The following SENP7 variants were observed in gnomAD, a reference collection of about 807,000 sequenced individuals.
The protein encoded by SENP7 is SUMO specific peptidase 7, also known as sentrin-specific protease 7.
In SENP7, 64 loss-of-function variants were observed where a neutral mutation model predicts 141.2. That is an observed-to-expected ratio of 0.45 (90% CI 0.37 to 0.56). The LOEUF (loss-of-function observed/expected upper bound fraction) is 0.56, where lower values mean the gene tolerates loss of function less well. Among genes scored for constraint, SENP7 ranks in the 20% least tolerant of loss-of-function variants. The probability of loss-of-function intolerance (pLI) is 0.00; values close to 1 mark genes in which losing one functional copy is unlikely to be tolerated. For synonymous variants in SENP7, 382 were observed against 426.4 expected (o/e 0.90, Z 1.28); for missense variants, 1,025 against 1,212.2 (o/e 0.85, Z 2.29).
intron 1 of SENP7, among the ~76,000 whole-genome samples, chr3:101,507,112 G>T (rs868228735): frequency 6.6e-6 from 1 of 151,230 alleles, no homozygotes. Flanking sequence ...GTTTAGACAG[G>T]CAGAAATGGG....
At chr3:101,432,467 G>A (rs1195660627) in intron 4 of SENP7, among the ~76,000 whole-genome samples, 1 of 152,212 alleles carries the variant, frequency 6.6e-6, no homozygotes, top group East Asian at 1.9e-4. Flanking sequence ...AGGGAGTAGT[G>A]ACAGCAGGTC....
In SENP7 at chr3:101,361,954, C is replaced by T. The variant is rs537179725; in HGVS notation, c.1477-93G>A. Reference sequence around the variant, plus strand: ...CACCATCAAATTCTTCTTTAAATTACTATTAGTGAATTTTTGAAGAACTTT... The same window carrying T: ...CACCATCAAATTCTTCTTTAAATTATTATTAGTGAATTTTTGAAGAACTTT... On this transcript the variant is annotated intron_variant, in intron 10 of 23. Transcript: ENST00000394095. The T allele has an allele frequency of 1.4e-4, 182 of 1,342,938 alleles. 1 individual carries two copies. In the South Asian group the frequency reaches 2.8e-3, roughly 21 times the overall value. 83.2% of individuals were successfully genotyped at this position (1,342,938 alleles called of 1,614,324 possible).
At chr3:101,358,354 T>C (rs1576074589) in intron 11 of SENP7, 1 of 615,662 alleles carries the variant, frequency 1.6e-6, no homozygotes, top group Admixed American at 2.3e-5. Context: ...GAGTCAATAA[T>C]GTGGCAAATC....
chr3:101,509,712 C>T (rs2065771752), intron 1 of SENP7, among the ~76,000 whole-genome samples: 1 of 152,154 alleles, frequency 6.6e-6, no homozygotes, highest in African/African-American at 2.4e-5. Context: ...AAGCAAACAT[C>T]ACCTGGACCT....
intron 4 of SENP7, among the ~76,000 whole-genome samples, chr3:101,434,441 T>C (rs1278750740): frequency 6.6e-6 from 1 of 151,420 alleles, no homozygotes; most frequent in Non-Finnish European, 1.5e-5. Context: ...AAAAAACAAA[T>C]GAAATTGAAA....
chr3:101,422,775 T>C (rs920506825), intron 4 of SENP7, among the ~76,000 whole-genome samples: 1 of 152,034 alleles, frequency 6.6e-6, no homozygotes, highest in Admixed American at 6.5e-5. Flanking sequence ...ATTTTACATA[T>C]GAGAAATTTT....
intron 22 of SENP7, 105 bp downstream of exon 22, chr3:101,328,373 T>C: frequency 1.4e-6 from 1 of 713,492 alleles, no homozygotes; most frequent in South Asian, 2.0e-5. Flanking sequence ...AAATAGATAA[T>C]AAAATATAAT....
chr3:101,363,611 T>G (rs893084760), intron 10 of SENP7, among the ~76,000 whole-genome samples: 1 of 152,210 alleles, frequency 6.6e-6, no homozygotes, highest in Non-Finnish European at 1.5e-5. Flanking sequence ...TAATGACACT[T>G]TTAATTATAT....
At chr3:101,452,014 G>T (rs1434062976) in intron 4 of SENP7, among the ~76,000 whole-genome samples, 1 of 152,208 alleles carries the variant, frequency 6.6e-6, no homozygotes, top group East Asian at 1.9e-4. Flanking sequence ...CTTCAGCAAA[G>T]TCTCAGGATA....
At chr3:101,411,068 C>T (rs1267555899) in intron 5 of SENP7, among the ~76,000 whole-genome samples, 4 of 151,930 alleles carry the variant, frequency 2.6e-5, no homozygotes, top group Admixed American at 1.3e-4. Context: ...AACTATAAAT[C>T]CTTGGGCAAG....
intron 11 of SENP7, chr3:101,357,356 T>C: frequency 1.5e-6 from 1 of 686,388 alleles, no homozygotes; most frequent in Non-Finnish European, 2.7e-6. Flanking sequence ...GTTAGAGAAC[T>C]ACAGAAACCT....
intron 4 of SENP7, among the ~76,000 whole-genome samples, chr3:101,440,840 G>A (rs937683120): frequency 6.6e-6 from 1 of 152,066 alleles, no homozygotes; most frequent in African/African-American, 2.4e-5. Flanking sequence ...CAGGAATGCA[G>A]TTACTTTAAT....
chr3:101,341,899 C>T (rs2059336612), intron 14 of SENP7, 120 bp from the exon 15 acceptor site: 6 of 1,009,502 alleles, frequency 5.9e-6, no homozygotes, highest in African/African-American at 4.8e-5. Context: ...TATATCTATA[C>T]TTTTAGATTT....
intron 12 of SENP7, among the ~76,000 whole-genome samples, chr3:101,350,319 T>G (rs554350876): frequency 6.6e-5 from 10 of 152,270 alleles, no homozygotes; most frequent in African/African-American, 2.4e-4. Context: ...CAGCCAAACA[T>G]AATTAATACC....
intron 3 of SENP7, among the ~76,000 whole-genome samples, chr3:101,468,630 A>G (rs1309398060): frequency 1.3e-5 from 2 of 152,220 alleles, no homozygotes; most frequent in Non-Finnish European, 2.9e-5. Flanking sequence ...TGAAGGAGAC[A>G]TAAAATCCTT....
At chr3:101,431,670 G>A (rs1239381973) in intron 4 of SENP7, among the ~76,000 whole-genome samples, 1 of 151,896 alleles carries the variant, frequency 6.6e-6, no homozygotes, top group Non-Finnish European at 1.5e-5. Flanking sequence ...TGTAGTCCTA[G>A]CTACTCGGGA....
Position 101,458,975 on chromosome 3 carries a change from A to C in SENP7, c.264T>G (p.Thr88=), listed in dbSNP as rs1408574571. The C allele has an allele frequency of 1.9e-6, 3 of 1,607,000 alleles. No homozygotes were observed. The highest frequency in any genetic ancestry group is 1.7e-5 in the Admixed American group (1 of 59,852). Residue 88 remains threonine, a synonymous_variant, in exon 4 of 24, where the codon ACT becomes ACG. Coordinates refer to ENST00000394095, the MANE Select transcript of SENP7 (RefSeq NM_020654.5). ...NKKHIRGCPV[T]SKSSPERQLK... is the part of the protein sequence containing the mutation. ...CTTACCTTTCTGGTGATGACTTGGA[A>C]GTAACAGGACACCCTCGGATATGTT...
rs558093384 is a variant in SENP7 at position 101,437,203 on chromosome 3, G to A, written c.285-19413C>T. On this transcript the variant is annotated intron_variant, in intron 4 of 23. Transcript: ENST00000394095. The stretch of plus-strand genomic sequence containing the variant: ...AATTCATGGACCTAGAGAGTAGAAG[G>A]ATGGTTACCAAAGGCTGGGAAGAGA... Among the ~76,000 whole-genome samples the A allele has an allele frequency of 3.9e-5, 6 of 152,334 alleles. No homozygotes were observed. The South Asian group carries it at 1.0e-3, about 26-fold the overall frequency.
At chr3:101,390,242 A>AAAC (rs1336818995) in intron 6 of SENP7, among the ~76,000 whole-genome samples, 17 of 138,212 alleles carry the variant, frequency 1.2e-4, no homozygotes, top group African/African-American at 4.4e-4. Context: ...AAAAAAAAAA[A>AAAC]ACCCAGAAAG....
Sources: allele counts gnomAD v4.1 joint callset (sites outside exome capture counted in the v4.1 genomes callset), GRCh38; gene constraint gnomAD v4.1.1; transcripts MANE v1.5; gene names NCBI Gene and HGNC (gene_info 2026-07-23, HGNC 2026-07-21).